Variants in ZBTB8B observed in about 807,000 individuals in gnomAD.
ZBTB8B encodes the protein zinc finger and BTB domain containing 8B.
A neutral mutation model predicts 30.3 loss-of-function variants in ZBTB8B; 17 were observed. That is an observed-to-expected ratio of 0.56 (90% CI 0.38 to 0.84). The LOEUF is 0.84. Ranked by LOEUF, ZBTB8B falls within the 40% of genes least tolerant of loss-of-function variation. The probability of loss-of-function intolerance (pLI) is 0.00; values close to 1 mark genes in which losing one functional copy is unlikely to be tolerated. For missense variants in ZBTB8B, 515 were observed against 644.9 expected, an observed-to-expected ratio of 0.80 and a Z score of 2.18; for synonymous variants, 248 against 255.6, an observed-to-expected ratio of 0.97 and a Z score of 0.28.
Position 32,470,903 on chromosome 1 carries a change from G to C in ZBTB8B, c.279G>C (p.Glu93Asp), listed in dbSNP as rs1196314986. ...LYSGKLDLCG[E>D]NVIEVMSAAS... ...CTGGGAAGTTGGATTTGTGTGGGGA[G>C]AATGTGATTGAAGTGATGTCGGCTG... The change falls in exon 2 of 4, where the codon GAG becomes GAC. Residue 93 changes from glutamate (E) to aspartate (D), a missense_variant. Physicochemically the swap from Glu to Asp is conservative, Grantham distance 45 (BLOSUM62 2). Around this residue, in one of 3 missense-constraint regions of ZBTB8B, gnomAD observed 61 missense variants for 117.7 expected, o/e 0.52. Transcript: ENST00000609129. 1.3e-6 allele frequency: 2 copies of C among 1,552,018 alleles called. No homozygotes were observed. The highest frequency in any genetic ancestry group is 1.7e-6 in the Non-Finnish European group (2 of 1,147,090).
At chr1:32,466,645 G>A (rs566719470) in intron 1 of ZBTB8B, among the ~76,000 whole-genome samples, 19 of 152,196 alleles carry the variant, frequency 1.2e-4, no homozygotes, top group Non-Finnish European at 1.8e-4. Context: ...CTTTTGCAAC[G>A]TCAGGAAGTA....
At chr1:32,474,989 A>G (rs1186611861) in intron 2 of ZBTB8B, among the ~76,000 whole-genome samples, 2 of 152,230 alleles carry the variant, frequency 1.3e-5, no homozygotes, top group Non-Finnish European at 2.9e-5. Flanking sequence ...GCCACTTATA[A>G]TATATTCAGG....
In ZBTB8B at chr1:32,493,696, C is replaced by G. The variant is rs1038204704; in HGVS notation, c.*8278C>G. ...CTCCAGCCTGGGCGACGGAGTGAGA[C>G]TCCATCTCAAAAAAATAAAAAATAA... On this transcript the variant is annotated 3_prime_UTR_variant, in exon 4 of 4. Transcript: ENST00000609129. 6.7e-6 allele frequency: 1 copy of G among 150,078 alleles called. No individual in the cohort carries two copies. The allele number at this position is 150,078 out of a possible 1,614,324, so 9.3% of individuals were successfully genotyped here. A position where few individuals can be genotyped will look rare whatever the true frequency, so the allele number is the denominator to read the frequency against.
In ZBTB8B at chr1:32,486,582, C is replaced by T. The variant is rs763855208; in HGVS notation, c.*1164C>T. On this transcript the variant is annotated 3_prime_UTR_variant, in exon 4 of 4. Coordinates refer to ENST00000609129, the MANE Select transcript of ZBTB8B (RefSeq NM_001145720.2). ...AGGAAAATGGTGGTAACTTCCAAGC[C>T]GCTGGGTGGTTGCCATGATAAGGGG... 2 of 152,124 alleles carry T rather than the reference C, an allele frequency of 1.3e-5. No individual in the cohort carries two copies. The highest frequency in any genetic ancestry group is 1.9e-4 in the East Asian group (1 of 5,190). 9.4% of individuals were successfully genotyped at this position (152,124 alleles called of 1,614,324 possible). A position where few individuals can be genotyped will look rare whatever the true frequency, so the allele number is the denominator to read the frequency against.
In ZBTB8B at chr1:32,470,513, A is replaced by AAAAG; in HGVS notation, c.-41-68_-41-67insGAAA. On this transcript the variant is annotated intron_variant, in intron 1 of 3. Coordinates refer to ENST00000609129, the MANE Select transcript of ZBTB8B (RefSeq NM_001145720.2). ...AGACGCTGACTCAAAAAAAAAAAAAAAAAAAAAAAAAAAGAAATCTTGTTT... is the reference window on the plus strand; with the variant it reads ...AGACGCTGACTCAAAAAAAAAAAAAAAAAGAAAAAAAAAAAAAGAAATCTTGTTT... 1.5e-4 allele frequency: 164 copies of AAAAG among 1,091,340 alleles called. No individual in the cohort carries two copies. The East Asian group carries it at 3.5e-3, about 23-fold the overall frequency. The allele number at this position is 1,091,340 out of a possible 1,614,324, so 67.6% of individuals were successfully genotyped here.
chr1:32,471,851 A>G (rs1418444376), intron 2 of ZBTB8B, among the ~76,000 whole-genome samples: 1 of 151,866 alleles, frequency 6.6e-6, no homozygotes, highest in East Asian at 1.9e-4. Flanking sequence ...TACCATCATC[A>G]TCATTACCAT....
intron 2 of ZBTB8B, among the ~76,000 whole-genome samples, chr1:32,472,007 C>T (rs540775980): frequency 5.3e-5 from 8 of 151,834 alleles, no homozygotes; most frequent in Non-Finnish European, 7.4e-5. Flanking sequence ...TCAGTACCAT[C>T]ATCATCACTA....
In ZBTB8B at chr1:32,485,706, A is replaced by C; in HGVS notation, c.*288A>C. The C allele has an allele frequency of 2.7e-6, 1 of 376,090 alleles. No individual in the cohort carries two copies. Among genetic ancestry groups the C allele is most frequent in the East Asian group, 5.3e-5 (1 of 18,954 alleles). 23.3% of individuals were successfully genotyped at this position (376,090 alleles called of 1,614,324 possible). A position where few individuals can be genotyped will look rare whatever the true frequency, so the allele number is the denominator to read the frequency against. On this transcript the variant is annotated 3_prime_UTR_variant, in exon 4 of 4. Coordinates refer to ENST00000609129, the MANE Select transcript of ZBTB8B (RefSeq NM_001145720.2). The stretch of plus-strand genomic sequence containing the variant: ...CTCCTGTTTTTCTTGCTGTGTGTCC[A>C]AACTCTGGTTAGGAGAAAGATAAGA...
rs1279754660 is a variant in ZBTB8B at position 32,484,210 on chromosome 1, G to GAAA, written c.1171-877_1171-875dup. Among the ~76,000 whole-genome samples the GAAA allele has an allele frequency of 2.3e-3, 300 of 130,488 alleles. 2 individuals are homozygous for GAAA. The highest frequency in any genetic ancestry group is 6.7e-3 in the African/African-American group (240 of 35,570). 85.6% of individuals were successfully genotyped at this position (130,488 alleles called of 152,430 possible). On this transcript the variant is annotated intron_variant, in intron 3 of 3. Transcript: ENST00000609129. The surrounding 1 kb of genome is among the most constrained non-coding windows in gnomAD (Gnocchi z 4.5). ...GTGACAGAGAAAGACCCTGTCTCTG[G>GAAA]AAAAAAAAAAAAAAAATCCCAATCA...
rs1643801756 is a variant in ZBTB8B at position 32,494,369 on chromosome 1, C to T, written c.*8951C>T. The T allele has an allele frequency of 6.6e-6, 1 of 152,060 alleles. No individual in the cohort carries two copies. The highest frequency in any genetic ancestry group is 2.4e-5 in the African/African-American group (1 of 41,386). The allele number at this position is 152,060 out of a possible 1,614,324, so 9.4% of individuals were successfully genotyped here. A position where few individuals can be genotyped will look rare whatever the true frequency, so the allele number is the denominator to read the frequency against. On this transcript the variant is annotated 3_prime_UTR_variant, in exon 4 of 4. Coordinates refer to ENST00000609129, the MANE Select transcript of ZBTB8B (RefSeq NM_001145720.2). ...AGAAACCAGGTCCTGCCAGGCCAGT[C>T]CTGATAATAGACAGACATGTTTGGG...
Position 32,465,560 on chromosome 1 carries a change from G to C in ZBTB8B, c.-42+455G>C, listed in dbSNP as rs186773914. 2.9e-4 allele frequency among the ~76,000 whole-genome samples: 44 copies of C among 152,330 alleles called. No individual in the cohort carries two copies. Among genetic ancestry groups the C allele is most frequent in the African/African-American group, 9.9e-4 (41 of 41,572 alleles). ...CTCTGCAGGTCGTCTGATGCTGGAC[G>C]GGGGAGGGTCTGTCTTGCGAGCAGT... On this transcript the variant is annotated intron_variant, in intron 1 of 3. Transcript: ENST00000609129. This position sits in a 1 kb window ranked among gnomAD's most constrained non-coding sequence, Gnocchi z 4.1.
rs1156840564 is a variant in ZBTB8B, at chr1:32,493,738, T to C, written c.*8320T>C. 6.6e-6 allele frequency: 1 copy of C among 151,794 alleles called. No individual in the cohort carries two copies. Among genetic ancestry groups the C allele is most frequent in the Non-Finnish European group, 1.5e-5 (1 of 67,954 alleles). 9.4% of individuals were successfully genotyped at this position (151,794 alleles called of 1,614,324 possible). A position where few individuals can be genotyped will look rare whatever the true frequency, so the allele number is the denominator to read the frequency against. ...AAAAAATAATAATAATATGGTTTTC[T>C]TATTTAAAAAATAATATAGTATGTA... is the stretch of plus-strand genomic sequence containing the variant. On this transcript the variant is annotated 3_prime_UTR_variant, in exon 4 of 4. Transcript: ENST00000609129.
chr1:32,480,341 T>C (rs952157695), intron 2 of ZBTB8B, among the ~76,000 whole-genome samples: 4 of 152,070 alleles, frequency 2.6e-5, no homozygotes, highest in African/African-American at 9.7e-5. Context: ...ATCTCTGGTG[T>C]CTCTTCCTCT....
intron 2 of ZBTB8B, among the ~76,000 whole-genome samples, chr1:32,478,379 G>A (rs1183152417): frequency 6.6e-6 from 1 of 152,016 alleles, no homozygotes; most frequent in Non-Finnish European, 1.5e-5. Context: ...AGGCATGGTG[G>A]TGTGCACCTG....
Position 32,480,993 on chromosome 1 carries a change from G to A in ZBTB8B, c.1094G>A (p.Gly365Asp), listed in dbSNP as rs1643700185. The A allele has an allele frequency of 6.4e-7, 1 of 1,552,316 alleles. No individual in the cohort carries two copies. Residue 365 changes from glycine (G) to aspartate (D), a missense_variant, in exon 3 of 4, where the codon GGC becomes GAC. By Grantham distance (94) the Gly-to-Asp change is moderately conservative. This residue lies in a region of ZBTB8B where 429 missense variants were observed against 504.3 expected (regional missense o/e 0.85). Coordinates refer to ENST00000609129, the MANE Select transcript of ZBTB8B (RefSeq NM_001145720.2). ...ILKRHIRSHT[G>D]ERPYPCETCG... Reference sequence around the variant, plus strand: ...AAGCGGCACATCCGTTCACACACAGGCGAGCGGCCCTACCCCTGTGAGACC... The same window carrying A: ...AAGCGGCACATCCGTTCACACACAGACGAGCGGCCCTACCCCTGTGAGACC...
chr1:32,482,033 C>A (rs1383464914), intron 3 of ZBTB8B, among the ~76,000 whole-genome samples: 14 of 152,040 alleles, frequency 9.2e-5, no homozygotes, highest in African/African-American at 3.4e-4. Flanking sequence ...ACCCAGGCTG[C>A]AGAGATCACA....
At chr1:32,466,651 A>G (rs1643572791) in intron 1 of ZBTB8B, among the ~76,000 whole-genome samples, 1 of 152,178 alleles carries the variant, frequency 6.6e-6, no homozygotes, top group African/African-American at 2.4e-5. Context: ...CAACGTCAGG[A>G]AGTAGAATAA....
Position 32,496,611 on chromosome 1 carries a change from T to C in ZBTB8B, c.*11193T>C, listed in dbSNP as rs1398700349. ...ATAGGTCAGTGTTGCCCAGGTTGTA[T>C]TGTTTTGCTGTTTTTACTTTTTTAT... is the stretch of plus-strand genomic sequence containing the variant. On this transcript the variant is annotated 3_prime_UTR_variant, in exon 4 of 4. Transcript: ENST00000609129. 1 of 152,214 alleles carries C rather than the reference T, an allele frequency of 6.6e-6. No homozygotes were observed. Among genetic ancestry groups the C allele is most frequent in the Non-Finnish European group, 1.5e-5 (1 of 68,044 alleles). The allele number at this position is 152,214 out of a possible 1,614,324, so 9.4% of individuals were successfully genotyped here.
intron 2 of ZBTB8B, 39 bp downstream of exon 2, chr1:32,471,654 G>C: frequency 1.3e-6 from 2 of 1,525,832 alleles, no homozygotes; most frequent in Non-Finnish European, 1.8e-6. Context: ...GCCAGTGATT[G>C]AGTACACACT....
Sources: gnomAD v4.1 joint callset for allele counts (sites outside exome capture counted in the v4.1 genomes callset) on GRCh38, gnomAD v4.1.1 for gene constraint, gnomAD v4.1.1 regional missense constraint, Gnocchi (gnomAD v3.1) non-coding constraint, MANE v1.5 for transcripts, NCBI Gene and HGNC (gene_info 2026-07-23, HGNC 2026-07-21) for gene names.